Variants in VPS37A observed in about 807,000 individuals in gnomAD.
VPS37A encodes vacuolar protein sorting-associated protein 37A.
In VPS37A, 30 loss-of-function variants were observed where a neutral mutation model predicts 49.8. That is an observed-to-expected ratio of 0.60 (90% CI 0.45 to 0.82). The LOEUF is 0.82. VPS37A is among the 40% of genes least tolerant of loss of function. VPS37A has a pLI of 0.00. For missense variants in VPS37A, 593 were observed against 464.4 expected (o/e 1.28, Z -2.55); for synonymous variants, 195 against 160.6 (o/e 1.21, Z -1.62).
At chr8:17,247,982 C>A (rs909086951) in intron 1 of VPS37A, 4 of 560,976 alleles carry the variant, frequency 7.1e-6, no homozygotes, top group Non-Finnish European at 1.3e-5. Context: ...TCCCCACGCT[C>A]AAGAATTACT....
the VPS37A span, among the ~76,000 whole-genome samples, chr8:17,319,749 G>A: frequency 1.3e-5 from 2 of 152,158 alleles, no homozygotes; most frequent in Admixed American, 1.3e-4. Context: ...TGGATACGTG[G>A]TGAGACGAGG....
intron 1 of VPS37A, among the ~76,000 whole-genome samples, chr8:17,250,220 T>C (rs374853506): frequency 9.2e-5 from 14 of 152,312 alleles, no homozygotes; most frequent in African/African-American, 3.4e-4. Context: ...GCTTTACTTC[T>C]GAGGCCCTCC....
At chr8:17,263,116 A>G (rs1352271542) in intron 1 of VPS37A, among the ~76,000 whole-genome samples, 1 of 152,126 alleles carries the variant, frequency 6.6e-6, no homozygotes, top group Non-Finnish European at 1.5e-5. Flanking sequence ...AAAGATAATC[A>G]CAATTGAGTG....
At chr8:17,311,809 G>A in the VPS37A span, 13 of 969,504 alleles carry the variant, frequency 1.3e-5, no homozygotes, top group Non-Finnish European at 2.0e-5. Flanking sequence ...GAGTGGCCTG[G>A]TGCTGGCAGC....
At chr8:17,280,177 C>T (rs368156452) in intron 7 of VPS37A, 22 bp downstream of exon 7, 5 of 1,611,506 alleles carry the variant, frequency 3.1e-6, no homozygotes, top group South Asian at 2.2e-5. Context: ...CTCTCCTGAG[C>T]GCACATTTCC....
the VPS37A span, among the ~76,000 whole-genome samples, chr8:17,325,533 T>C: frequency 6.6e-6 from 1 of 152,210 alleles, no homozygotes; most frequent in Non-Finnish European, 1.5e-5. Flanking sequence ...TGGATCTGCT[T>C]GGCCCCCTTT....
At chr8:17,250,732 T>A (rs151066074) in intron 1 of VPS37A, among the ~76,000 whole-genome samples, 1 of 152,342 alleles carries the variant, frequency 6.6e-6, no homozygotes, top group East Asian at 1.9e-4. Flanking sequence ...TTTAGTTGCC[T>A]TAAATTCTTA....
the VPS37A span, among the ~76,000 whole-genome samples, chr8:17,315,896 C>T: frequency 1.7e-4 from 26 of 152,068 alleles, no homozygotes; most frequent in African/African-American, 5.6e-4. Context: ...GCCTACTGTC[C>T]CAGCTACTTG....
chr8:17,330,760 G>T, the VPS37A span, among the ~76,000 whole-genome samples: 1 of 152,168 alleles, frequency 6.6e-6, no homozygotes, highest in Non-Finnish European at 1.5e-5. Context: ...TGGCCATTCA[G>T]CAAGGATCAG....
intron 2 of VPS37A, among the ~76,000 whole-genome samples, chr8:17,267,834 C>T (rs536698252): frequency 4.6e-5 from 7 of 152,148 alleles, no homozygotes; most frequent in Non-Finnish European, 7.3e-5. Flanking sequence ...GCCGTGACAG[C>T]ATTCTCAAAG....
downstream of VPS37A, among the ~76,000 whole-genome samples, chr8:17,306,883 T>C (rs978550826): frequency 6.6e-6 from 1 of 151,690 alleles, no homozygotes; most frequent in Non-Finnish European, 1.5e-5. Flanking sequence ...ATACAAAAAT[T>C]AATTCAAGAT....
At chr8:17,303,582 C>T (rs563949527), downstream of VPS37A, among the ~76,000 whole-genome samples, 6 of 150,748 alleles carry the variant, frequency 4.0e-5, no homozygotes, top group South Asian at 1.3e-3. Flanking sequence ...TGCCACCCTG[C>T]TCTCCCCATT....
At chr8:17,293,856 A>C (rs891486032) in intron 11 of VPS37A, among the ~76,000 whole-genome samples, 3 of 152,206 alleles carry the variant, frequency 2.0e-5, no homozygotes, top group African/African-American at 7.2e-5. Flanking sequence ...GCAAAGTGCC[A>C]GCCAGAGCTC....
At chr8:17,251,229 G>T (rs1811945991) in intron 1 of VPS37A, among the ~76,000 whole-genome samples, 1 of 152,168 alleles carries the variant, frequency 6.6e-6, no homozygotes, top group African/African-American at 2.4e-5. Flanking sequence ...GGGAGTTGGA[G>T]GGGAAGTCTG....
chr8:17,332,179 G>T, the VPS37A span, among the ~76,000 whole-genome samples: 1 of 152,054 alleles, frequency 6.6e-6, no homozygotes, highest in East Asian at 1.9e-4. Context: ...AAGGACAGGA[G>T]GGCTAACCCA....
the VPS37A span, among the ~76,000 whole-genome samples, chr8:17,312,586 A>G: frequency 6.6e-6 from 1 of 151,502 alleles, no homozygotes; most frequent in Non-Finnish European, 1.5e-5. Context: ...AAAAAAAAAA[A>G]AAAAAAAAAA....
downstream of VPS37A, among the ~76,000 whole-genome samples, chr8:17,305,439 A>T (rs892021969): frequency 1.3e-5 from 2 of 152,194 alleles, no homozygotes; most frequent in Non-Finnish European, 2.9e-5. Flanking sequence ...GCCACCAAAT[A>T]TATCTAACCT....
chr8:17,248,583 C>G (rs1428561052), intron 1 of VPS37A, among the ~76,000 whole-genome samples: 1 of 152,096 alleles, frequency 6.6e-6, no homozygotes, highest in African/African-American at 2.4e-5. Flanking sequence ...GCTCCTAGCC[C>G]TTTTAAAAAT....
At chr8:17,255,376 G>A (rs1275894377) in intron 1 of VPS37A, among the ~76,000 whole-genome samples, 1 of 152,128 alleles carries the variant, frequency 6.6e-6, no homozygotes, top group East Asian at 1.9e-4. Context: ...AGCTACTCGG[G>A]AGGCTGAGGC....
Sources: gnomAD v4.1 joint callset for allele counts (sites outside exome capture counted in the v4.1 genomes callset) on GRCh38, gnomAD v4.1.1 for gene constraint, MANE v1.5 for transcripts, NCBI Gene and HGNC (gene_info 2026-07-23, HGNC 2026-07-21) for gene names.